The following ZFHX3 variants were observed in gnomAD, a reference collection of about 807,000 sequenced individuals.
The protein encoded by ZFHX3 is zinc finger homeobox 3.
ZFHX3 carries 42 observed loss-of-function variants against 279.1 expected under a neutral mutation model. The ratio of observed to expected loss-of-function variants is 0.15; its 90% CI spans 0.12 to 0.19. ZFHX3 has a LOEUF of 0.19. Among genes scored for constraint, ZFHX3 ranks in the 10% least tolerant of loss-of-function variants. ZFHX3 has a pLI of 1.00. For synonymous variants in ZFHX3, 2,293 were observed against 1,957.8 expected (o/e 1.17, Z -4.52); for missense variants, 4,981 against 4,754.0 (o/e 1.05, Z -1.40).
At chr16:73,012,544 A>T (rs530851696) in intron 1 of ZFHX3, among the ~76,000 whole-genome samples, 2 of 152,198 alleles carry the variant, frequency 1.3e-5, no homozygotes, top group African/African-American at 2.4e-5. Context: ...CCGGTGCCCA[A>T]CGGTGGCTAC....
At chr16:72,901,876 G>C (rs1264409721) in intron 3 of ZFHX3, among the ~76,000 whole-genome samples, 1 of 152,100 alleles carries the variant, frequency 6.6e-6, no homozygotes, top group African/African-American at 2.4e-5. Flanking sequence ...AAATAACCCA[G>C]ACAAACACCC....
intron 3 of ZFHX3, among the ~76,000 whole-genome samples, chr16:73,432,786 TC>T (rs2017931314): frequency 2.0e-5 from 3 of 151,856 alleles, no homozygotes; most frequent in Admixed American, 2.0e-4. Flanking sequence ...TTTTTCTTCT[TC>T]TTTTTTTTCT....
chr16:72,803,193 G>A (rs527259500), intron 7 of ZFHX3, among the ~76,000 whole-genome samples: 7 of 152,198 alleles, frequency 4.6e-5, no homozygotes, highest in African/African-American at 1.4e-4. Flanking sequence ...TTAGCCAGGC[G>A]TGGTGGCTCA....
chr16:72,959,885 G>C lies in ZFHX3; in HGVS notation c.261C>G (p.Ser87=). The change falls in exon 2 of 10, where the codon TCC becomes TCG. Residue 87 remains serine (S), a synonymous_variant. Transcript: ENST00000268489. ...KEVTCNECSA[S]FASLQTYMEH... The stretch of plus-strand genomic sequence containing the variant: ...CCATGTAGGTCTGGAGGCTGGCAAA[G>C]GAGGCCGAACATTCGTTGCAGGTGA... 1 of 1,603,300 alleles carries C rather than the reference G, an allele frequency of 6.2e-7. No homozygotes were observed. The highest frequency in any genetic ancestry group is 8.5e-7 in the Non-Finnish European group (1 of 1,173,714).
chr16:73,541,880 C>T (rs2020021755), intron 2 of ZFHX3, among the ~76,000 whole-genome samples: 1 of 149,364 alleles, frequency 6.7e-6, no homozygotes, highest in Non-Finnish European at 1.5e-5. Context: ...AGGTTCACCG[C>T]AACCTCTGCC....
chr16:73,448,684 ACG>A (rs2018230118), intron 3 of ZFHX3, among the ~76,000 whole-genome samples: 1 of 66,796 alleles, frequency 1.5e-5, no homozygotes, highest in African/African-American at 3.9e-5. Context: ...ATATTTATAT[ACG>A]TGTGTGTGTG....
At chr16:72,941,447 C>T (rs977044098) in intron 3 of ZFHX3, among the ~76,000 whole-genome samples, 2 of 152,286 alleles carry the variant, frequency 1.3e-5, no homozygotes, top group African/African-American at 4.8e-5. Context: ...AATTTCTAGG[C>T]TATCCAGAGG....
chr16:72,947,627 C>G (rs750968183), intron 3 of ZFHX3, among the ~76,000 whole-genome samples: 7 of 152,080 alleles, frequency 4.6e-5, no homozygotes, highest in Non-Finnish European at 8.8e-5. Context: ...ACATCACTGC[C>G]ACTTCACTAG....
In ZFHX3 at chr16:73,188,962, C is replaced by G. The variant is rs183000601; in HGVS notation, c.-1103-45131G>C. On this transcript the variant is annotated intron_variant, in intron 5 of 17. Coordinates refer to the ZFHX3 transcript ENST00000641206. ...CACTACAACCTCCGCCTCCTGGGTT[C>G]AAGCGATTCTCCTGCCTCAGCCTCC... is the stretch of plus-strand genomic sequence containing the variant. 6.5e-4 allele frequency among the ~76,000 whole-genome samples: 98 copies of G among 151,358 alleles called. 1 individual carries two copies. Among genetic ancestry groups the G allele is most frequent in the Non-Finnish European group, 1.0e-3 (68 of 67,916 alleles).
At chr16:72,952,552 G>A (rs1475429715) in intron 2 of ZFHX3, among the ~76,000 whole-genome samples, 1 of 152,142 alleles carries the variant, frequency 6.6e-6, no homozygotes, top group African/African-American at 2.4e-5. Flanking sequence ...GTGCACAGAC[G>A]CCCAAATGTT....
At chr16:73,603,770 CGCTTTTTT>C (rs1431769690) in intron 2 of ZFHX3, among the ~76,000 whole-genome samples, 5 of 117,874 alleles carry the variant, frequency 4.2e-5, no homozygotes, top group Non-Finnish European at 3.3e-5. Context: ...GAAAAAAATA[CGCTTTTTT>C]TTTTTTTTTT....
At chr16:73,725,343 G>A (rs1277655696) in intron 1 of ZFHX3, among the ~76,000 whole-genome samples, 1 of 152,212 alleles carries the variant, frequency 6.6e-6, no homozygotes, top group African/African-American at 2.4e-5. Context: ...AGGCAGCAGG[G>A]AGGGAGACAT....
Position 73,127,344 on chromosome 16 carries a change from C to A in ZFHX3, c.-897+3624G>T, listed in dbSNP as rs886201268. Reference sequence around the variant, plus strand: ...CTGGTGGCAGCCGTACAGAGGAAAGCCGATAAAAAGTCAATTCCACTTAAC... The same window carrying A: ...CTGGTGGCAGCCGTACAGAGGAAAGACGATAAAAAGTCAATTCCACTTAAC... On this transcript the variant is annotated intron_variant, in intron 7 of 17. Coordinates refer to the ZFHX3 transcript ENST00000641206. The A allele has an allele frequency of 3.1e-6, 4 of 1,304,548 alleles. 1 individual carries two copies. In the African/African-American group the frequency reaches 6.1e-5, roughly 20 times the overall value. The allele number at this position is 1,304,548 out of a possible 1,614,324, so 80.8% of individuals were successfully genotyped here.
intron 3 of ZFHX3, among the ~76,000 whole-genome samples, chr16:73,412,326 CAAAAAAAAAAAAA>C (rs60447973): frequency 0.4 from 46,596 of 117,766 alleles, 9,289 homozygotes; most frequent in Non-Finnish European, 0.52. Context: ...GAGACTGTTT[CAAAAAAAAAAAAA>C]AAAAAAAAAA....
chr16:73,658,895 A>C (rs1318381654), intron 2 of ZFHX3, among the ~76,000 whole-genome samples: 1 of 152,218 alleles, frequency 6.6e-6, no homozygotes, highest in African/African-American at 2.4e-5. Flanking sequence ...CTTAAAAATA[A>C]ACATAAATAA....
intron 5 of ZFHX3, among the ~76,000 whole-genome samples, chr16:73,165,946 C>T (rs59662278): frequency 2.0e-5 from 3 of 151,888 alleles, no homozygotes; most frequent in East Asian, 1.9e-4. Flanking sequence ...GAATACATTA[C>T]GACTGTGGGC....
intron 2 of ZFHX3, among the ~76,000 whole-genome samples, chr16:73,606,725 C>G (rs1196857756): frequency 3.9e-5 from 6 of 152,136 alleles, no homozygotes; most frequent in Admixed American, 3.9e-4. Flanking sequence ...TAATGCTCTC[C>G]CGCTACTTCC....
rs139417521 is a variant in ZFHX3 at position 73,316,894 on chromosome 16, T to C, written c.-1194+1346A>G. On this transcript the variant is annotated intron_variant, in intron 4 of 17. Transcript: ENST00000641206. ...GTTTCTTGAGCTAAGGGGAGGGAAA[T>C]GCTTGCCAGTGTTTCCTGGCTGATT... Among the ~76,000 whole-genome samples the C allele has an allele frequency of 6.6e-5, 10 of 152,296 alleles. No homozygotes were observed. The East Asian group carries it at 1.9e-3, about 29-fold the overall frequency.
chr16:73,603,353 A>G (rs1243553855), intron 2 of ZFHX3, among the ~76,000 whole-genome samples: 2 of 152,152 alleles, frequency 1.3e-5, no homozygotes, highest in African/African-American at 4.8e-5. Context: ...AAAAATGGGC[A>G]TAGGACAGGA....
Sources: allele counts gnomAD v4.1 joint callset (sites outside exome capture counted in the v4.1 genomes callset), GRCh38; gene constraint gnomAD v4.1.1; transcripts MANE v1.5; gene names NCBI Gene and HGNC (gene_info 2026-07-23, HGNC 2026-07-21).